The following TRAK1 variants were observed in gnomAD, a reference collection of about 807,000 sequenced individuals.
TRAK1 encodes trafficking kinesin protein 1.
Under a neutral mutation model 92.1 loss-of-function variants are expected in TRAK1, and 33 were observed. The observed-to-expected ratio is 0.36, with a 90% CI of 0.27 to 0.48. The LOEUF (loss-of-function observed/expected upper bound fraction) is 0.48, where lower values mean the gene tolerates loss of function less well. TRAK1 is among the 20% of genes least tolerant of loss of function. The probability of loss-of-function intolerance (pLI) is 0.99; values close to 1 mark genes in which losing one functional copy is unlikely to be tolerated. For synonymous variants in TRAK1, 521 were observed against 517.3 expected (o/e 1.01, Z -0.10); for missense variants, 1,123 against 1,257.9 (o/e 0.89, Z 1.62).
intron 2 of TRAK1, chr3:42,160,324 C>T: frequency 1.2e-6 from 2 of 1,612,296 alleles, no homozygotes; most frequent in East Asian, 2.2e-5. Context: ...AAGGATGGTC[C>T]CTTAGGGTGA....
At chr3:42,167,171 A>G (rs9862639) in intron 2 of TRAK1, among the ~76,000 whole-genome samples, 87,000 of 152,028 alleles carry the variant, frequency 0.57, 25,869 homozygotes, top group East Asian at 0.95. Flanking sequence ...ACTCACCAGG[A>G]CTCATGCTCA....
intron 1 of TRAK1, among the ~76,000 whole-genome samples, chr3:42,043,015 T>C (rs562351057): frequency 6.6e-6 from 1 of 152,270 alleles, no homozygotes; most frequent in East Asian, 1.9e-4. Flanking sequence ...AGAGAATACT[T>C]TGGGAAGGAT....
chr3:42,199,168 T>C lies in TRAK1; in HGVS notation c.1114-9T>C. ...CTCACTTGACATTTGTCTTTCTGGC[T>C]TTTCCCAGGATTCCTTGGCAGCAGA... On this transcript the variant is annotated splice_polypyrimidine_tract_variant and intron_variant, in intron 10 of 15. Transcript: ENST00000327628. 1 of 1,613,150 alleles carries C rather than the reference T, an allele frequency of 6.2e-7. No homozygotes were observed. Among genetic ancestry groups the C allele is most frequent in the Non-Finnish European group, 8.5e-7 (1 of 1,179,912 alleles).
chr3:42,171,759 T>C (rs942362345), intron 2 of TRAK1, among the ~76,000 whole-genome samples: 1 of 152,172 alleles, frequency 6.6e-6, no homozygotes, highest in Admixed American at 6.5e-5. Context: ...TGGCCAGATC[T>C]CCTTGGCATC....
intron 1 of TRAK1, among the ~76,000 whole-genome samples, chr3:42,032,492 A>AAAAC (rs1702184156): frequency 1.3e-5 from 2 of 152,120 alleles, no homozygotes; most frequent in African/African-American, 4.8e-5. Flanking sequence ...AAAAAAAAAA[A>AAAAC]AAAACCATCT....
intron 1 of TRAK1, among the ~76,000 whole-genome samples, chr3:42,079,107 T>C (rs1704303776): frequency 6.6e-6 from 1 of 152,212 alleles, no homozygotes; most frequent in African/African-American, 2.4e-5. Flanking sequence ...CCTGTTGAGA[T>C]GCATGCTGGA....
At position 42,170,043 on chromosome 3, in the gene TRAK1, G is replaced by A. The variant is rs139759633; in HGVS notation, c.287-6771G>A. Among the ~76,000 whole-genome samples the A allele has an allele frequency of 6.9e-3, 1,046 of 152,276 alleles. 10 individuals are homozygous for A. The highest frequency in any genetic ancestry group is 0.024 in the African/African-American group (994 of 41,548). On this transcript the variant is annotated intron_variant, in intron 2 of 15. Coordinates refer to ENST00000327628, the MANE Select transcript of TRAK1 (RefSeq NM_001042646.3). Reference sequence around the variant, plus strand: ...AGACATCTGAGAGTGGCATCACTGGGTGTGGAGGAGCTATGGTGAAGAGTG... The same window carrying A: ...AGACATCTGAGAGTGGCATCACTGGATGTGGAGGAGCTATGGTGAAGAGTG...
intron 1 of TRAK1, among the ~76,000 whole-genome samples, chr3:42,042,221 T>G (rs1702572164): frequency 1.3e-5 from 2 of 150,794 alleles, no homozygotes; most frequent in Admixed American, 1.3e-4. Flanking sequence ...GCCATCGAGC[T>G]CGGCCTGTTT....
chr3:42,022,075 GC>G (rs1456670644), intron 1 of TRAK1, among the ~76,000 whole-genome samples: 1 of 152,132 alleles, frequency 6.6e-6, no homozygotes, highest in Non-Finnish European at 1.5e-5. Context: ...AACAGGAATA[GC>G]CCCCATGGCC....
chr3:42,096,794 A>G (rs141374486), intron 1 of TRAK1, among the ~76,000 whole-genome samples: 109 of 152,324 alleles, frequency 7.2e-4, no homozygotes, highest in African/African-American at 2.5e-3. Flanking sequence ...AGCAGCCCCC[A>G]TTGATGGGTG....
At chr3:42,151,374 A>G (rs1300534820) in intron 2 of TRAK1, 1 of 456,640 alleles carries the variant, frequency 2.2e-6, no homozygotes, top group Non-Finnish European at 4.4e-6. Context: ...AGAGACCCTG[A>G]TCTGTCTTCC....
chr3:42,222,896 A>T, intron 15 of TRAK1, 46 bp from the exon 16 acceptor site: 1 of 1,575,392 alleles, frequency 6.3e-7, no homozygotes, highest in Non-Finnish European at 8.6e-7. Flanking sequence ...CTTTCTCTGG[A>T]GCTCATGGGC....
intron 12 of TRAK1, among the ~76,000 whole-genome samples, chr3:42,201,688 T>A (rs1707587781): frequency 6.6e-6 from 1 of 151,990 alleles, no homozygotes; most frequent in Non-Finnish European, 1.5e-5. Flanking sequence ...GTGACCGTTT[T>A]GTAGCTTGAT....
intron 2 of TRAK1, among the ~76,000 whole-genome samples, chr3:42,171,693 C>T (rs1702579233): frequency 6.6e-6 from 1 of 152,148 alleles, no homozygotes; most frequent in Non-Finnish European, 1.5e-5. Flanking sequence ...CCTTTGTTTT[C>T]TTCCCATGGG....
intron 1 of TRAK1, chr3:42,014,220 T>G (rs1168520000): frequency 6.6e-6 from 1 of 151,864 alleles, no homozygotes; most frequent in Non-Finnish European, 1.5e-5. Context: ...AGTGGCGGCG[T>G]GAGAGGCCGG....
In TRAK1 at chr3:42,125,436, C is replaced by A; in HGVS notation, c.108C>A (p.Thr36=). ...RTNACDVCNS[T]DLPEVEIISL... is the part of the protein sequence containing the mutation. ...TGTCTTTAGATGTGTGCAACAGCAC[C>A]GATCTTCCGGAAGTCGAGATCATTA... Residue 36 remains threonine (T), a synonymous_variant, in exon 2 of 16, where the codon ACC becomes ACA. Coordinates refer to ENST00000327628, the MANE Select transcript of TRAK1 (RefSeq NM_001042646.3). 1 of 1,614,024 alleles carries A rather than the reference C, an allele frequency of 6.2e-7. No individual in the cohort carries two copies. Among genetic ancestry groups the A allele is most frequent in the Non-Finnish European group, 8.5e-7 (1 of 1,179,980 alleles).
chr3:42,015,484 T>G (rs1701484050), intron 1 of TRAK1, among the ~76,000 whole-genome samples: 1 of 152,112 alleles, frequency 6.6e-6, no homozygotes, highest in African/African-American at 2.4e-5. Flanking sequence ...AAACCTGGAC[T>G]GAAATTCCAA....
chr3:42,203,166 G>A (rs139090851), intron 13 of TRAK1: 34 of 1,189,324 alleles, frequency 2.9e-5, no homozygotes, highest in African/African-American at 9.5e-5. Flanking sequence ...TTTTGGTGTC[G>A]GGGAGAGGTT....
chr3:42,018,387 G>A (rs901137327), intron 1 of TRAK1, among the ~76,000 whole-genome samples: 1 of 152,110 alleles, frequency 6.6e-6, no homozygotes, highest in African/African-American at 2.4e-5. Flanking sequence ...TTTGGGAATC[G>A]TGGAGCTGGA....
Sources: allele counts gnomAD v4.1 joint callset (sites outside exome capture counted in the v4.1 genomes callset), GRCh38; gene constraint gnomAD v4.1.1; transcripts MANE v1.5; gene names NCBI Gene and HGNC (gene_info 2026-07-23, HGNC 2026-07-21).